The following CARF variants were observed in gnomAD, a reference collection of about 807,000 sequenced individuals.
The protein encoded by CARF is calcium responsive transcription factor, also known as calcium-responsive transcription factor.
Under a neutral mutation model 82.0 loss-of-function variants are expected in CARF, and 57 were observed. The ratio of observed to expected loss-of-function variants is 0.70; its 90% CI spans 0.56 to 0.87. The LOEUF (loss-of-function observed/expected upper bound fraction) is 0.87. CARF is among the 40% of genes least tolerant of loss of function. The probability of loss-of-function intolerance (pLI) is 0.00; values close to 1 mark genes in which losing one functional copy is unlikely to be tolerated. For synonymous variants in CARF, 268 were observed against 290.1 expected, an observed-to-expected ratio of 0.92 and a Z score of 0.77; for missense variants, 771 against 855.8, an observed-to-expected ratio of 0.90 and a Z score of 1.24.
intron 1 of CARF, among the ~76,000 whole-genome samples, chr2:202,916,948 C>T (rs1176444970): frequency 3.9e-5 from 6 of 152,092 alleles, no homozygotes; most frequent in Non-Finnish European, 8.8e-5. Context: ...CGGTGGCTCA[C>T]GCCTGTAATC....
intron 1 of CARF, among the ~76,000 whole-genome samples, chr2:202,916,478 C>G (rs1280532444): frequency 6.6e-6 from 1 of 152,030 alleles, no homozygotes; most frequent in Non-Finnish European, 1.5e-5. Context: ...ACCAGCATCC[C>G]GCCGAGCAAT....
chr2:202,971,478 G>A (rs745389600), intron 11 of CARF, 27 bp from the exon 12 acceptor site: 1 of 1,348,320 alleles, frequency 7.4e-7, no homozygotes, highest in South Asian at 1.3e-5. Flanking sequence ...TTAAATTTTA[G>A]TAATTTTAAA....
At chr2:202,935,101 A>AATTATATATAATTATATATAATT (rs1553555106) in intron 3 of CARF, among the ~76,000 whole-genome samples, 49 of 136,818 alleles carry the variant, frequency 3.6e-4, no homozygotes, top group African/African-American at 1.2e-3. Context: ...TATTATATAT[A>AATTATATATAATTATATATAATT]ATATATAATT....
At chr2:202,966,863 C>A in intron 9 of CARF, 115 bp from the exon 10 acceptor site, 1 of 936,830 alleles carries the variant, frequency 1.1e-6, no homozygotes, top group Non-Finnish European at 1.6e-6. Flanking sequence ...GTTTTCTTTC[C>A]TTAAAGCTGT....
In CARF at chr2:202,955,743, T is replaced by C. The variant is rs2059005159; in HGVS notation, c.627T>C (p.Arg209=). ...CTAATACACCTATATGGGCCTGCCGTCTTAGGAGCTGTGAGGTGAGTTATA... is the reference window on the plus strand; with the variant it reads ...CTAATACACCTATATGGGCCTGCCGCCTTAGGAGCTGTGAGGTGAGTTATA... ...LSSNTPIWAC[R]LRSCEKIGDS... Residue 209 remains arginine, a synonymous_variant, in exon 8 of 17, where the codon CGT becomes CGC. Coordinates refer to ENST00000438828, the MANE Select transcript of CARF (RefSeq NM_024744.17). 2 of 1,610,694 alleles carry C rather than the reference T, an allele frequency of 1.2e-6. No individual in the cohort carries two copies. Among genetic ancestry groups the C allele is most frequent in the South Asian group, 1.1e-5 (1 of 90,514 alleles).
chr2:202,948,199 T>TACATTA (rs1252968635), intron 5 of CARF, among the ~76,000 whole-genome samples: 1 of 152,164 alleles, frequency 6.6e-6, no homozygotes, highest in Non-Finnish European at 1.5e-5. Context: ...TCTCTTCTGT[T>TACATTA]CCATTGGTCT....
At chr2:202,948,255 G>A (rs1288018689) in intron 5 of CARF, among the ~76,000 whole-genome samples, 1 of 152,154 alleles carries the variant, frequency 6.6e-6, no homozygotes, top group Non-Finnish European at 1.5e-5. Context: ...GGTTACTGTA[G>A]CCTTGTAGTA....
intron 5 of CARF, among the ~76,000 whole-genome samples, chr2:202,945,102 A>T (rs1295566478): frequency 1.3e-5 from 2 of 152,154 alleles, no homozygotes. Flanking sequence ...TCAGAGAGAG[A>T]ATATTCCGGG....
intron 7 of CARF, among the ~76,000 whole-genome samples, chr2:202,954,887 G>A (rs1378398953): frequency 6.7e-6 from 1 of 149,736 alleles, no homozygotes; most frequent in African/African-American, 2.5e-5. Flanking sequence ...GGTGGCCGGC[G>A]CCTGTAGTCC....
chr2:202,933,862 C>CT (rs1559202352), intron 3 of CARF, among the ~76,000 whole-genome samples: 26 of 146,822 alleles, frequency 1.8e-4, no homozygotes, highest in Admixed American at 1.3e-3. Context: ...CTTTTCTTTC[C>CT]TTTCTTTTCT....
chr2:202,955,103 T>A (rs1393736473), intron 7 of CARF, among the ~76,000 whole-genome samples: 1 of 152,242 alleles, frequency 6.6e-6, no homozygotes, highest in Non-Finnish European at 1.5e-5. Flanking sequence ...GGCAAAATGT[T>A]TAAAATGCTT....
intron 5 of CARF, among the ~76,000 whole-genome samples, chr2:202,951,815 A>G (rs1256586139): frequency 1.3e-5 from 2 of 151,700 alleles, no homozygotes; most frequent in Admixed American, 6.6e-5. Flanking sequence ...ATCCTATTTA[A>G]TTAGACATTT....
In CARF at chr2:202,982,347, G is replaced by A. The variant is rs374190746; in HGVS notation, c.1965G>A (p.Glu655=). ...MDELVEVGDV[E]DTGNLEGTVH... ...AGCTGGTAGAAGTTGGAGATGTTGA[G>A]GATACAGGGAATCTGGAAGGAACTG... Residue 655 remains glutamate (E), a synonymous_variant, in exon 16 of 17, where the codon GAG becomes GAA. Coordinates refer to ENST00000438828, the MANE Select transcript of CARF (RefSeq NM_024744.17). The A allele has an allele frequency of 2.9e-5, 46 of 1,614,020 alleles. No homozygotes were observed. The highest frequency in any genetic ancestry group is 6.7e-5 in the East Asian group (3 of 44,890).
At chr2:202,964,595 T>C (rs2059463225) in intron 9 of CARF, among the ~76,000 whole-genome samples, 1 of 152,064 alleles carries the variant, frequency 6.6e-6, no homozygotes, top group Non-Finnish European at 1.5e-5. Context: ...AAAAGGTTTT[T>C]TAAAGCCTTA....
At chr2:202,975,277 T>TA (rs2059978455) in intron 13 of CARF, among the ~76,000 whole-genome samples, 1 of 152,062 alleles carries the variant, frequency 6.6e-6, no homozygotes, top group South Asian at 2.1e-4. Context: ...AACACATCTC[T>TA]ACTAAGAATA....
chr2:202,932,553 G>A lies in CARF; in HGVS notation c.-44+8138G>A, dbSNP rs150329346. On this transcript the variant is annotated intron_variant, in intron 3 of 16. Coordinates refer to ENST00000438828, the MANE Select transcript of CARF (RefSeq NM_024744.17). ...TTGGGAACATGAGCCAATAGGGCTC[G>A]GTGGTAAGTCAAGTCCCAGGGGGAT... 1.6e-4 allele frequency among the ~76,000 whole-genome samples: 25 copies of A among 152,210 alleles called. 2 individuals are homozygous for A. Among genetic ancestry groups the A allele is most frequent in the African/African-American group, 5.5e-4 (23 of 41,520 alleles).
At chr2:202,927,536 C>CT (rs1253442528) in intron 3 of CARF, among the ~76,000 whole-genome samples, 2 of 151,678 alleles carry the variant, frequency 1.3e-5, no homozygotes, top group African/African-American at 4.8e-5. Flanking sequence ...GGGTTTTTGG[C>CT]TTTTTTTCTT....
At chr2:202,961,842 C>T (rs2059335485) in intron 9 of CARF, 1 of 228,932 alleles carries the variant, frequency 4.4e-6, no homozygotes, top group Non-Finnish European at 8.4e-6. Context: ...TCTGGAGTTA[C>T]TGTATAGAAT....
intron 8 of CARF, among the ~76,000 whole-genome samples, chr2:202,956,554 T>C (rs1372715356): frequency 6.6e-6 from 1 of 151,642 alleles, no homozygotes; most frequent in Non-Finnish European, 1.5e-5. Context: ...CCAGGCCAGA[T>C]TTTGAATTCT....
Sources: allele counts gnomAD v4.1 joint callset (sites outside exome capture counted in the v4.1 genomes callset), GRCh38; gene constraint gnomAD v4.1.1; transcripts MANE v1.5; gene names NCBI Gene and HGNC (gene_info 2026-07-23, HGNC 2026-07-21).